Variants in AGPAT4 observed in about 807,000 individuals in gnomAD.
AGPAT4 encodes 1-acyl-sn-glycerol-3-phosphate acyltransferase delta.
AGPAT4 carries 15 observed loss-of-function variants against 48.0 expected under a neutral mutation model. The observed-to-expected ratio is 0.31, with a 90% CI of 0.21 to 0.48. AGPAT4 has a LOEUF of 0.48. AGPAT4 is among the 20% of genes least tolerant of loss of function. AGPAT4 has a pLI of 0.99. For missense variants in AGPAT4, 314 were observed against 482.5 expected, an observed-to-expected ratio of 0.65 and a Z score of 3.27; for synonymous variants, 178 against 198.7, an observed-to-expected ratio of 0.90 and a Z score of 0.88.
intron 2 of AGPAT4, among the ~76,000 whole-genome samples, chr6:161,173,719 C>T (rs1047349117): frequency 1.3e-5 from 2 of 152,122 alleles, no homozygotes; most frequent in Non-Finnish European, 2.9e-5. Context: ...AAGTCCTTGC[C>T]CATGTCTATG....
intron 2 of AGPAT4, among the ~76,000 whole-genome samples, chr6:161,203,266 A>G (rs914573100): frequency 1.3e-5 from 2 of 152,192 alleles, no homozygotes; most frequent in African/African-American, 2.4e-5. Flanking sequence ...ATTGCTATAA[A>G]GCCAGCACCC....
rs547367704 is a variant in AGPAT4, at chr6:161,242,504, G to A, written c.-89-10202C>T. 3.7e-4 allele frequency among the ~76,000 whole-genome samples: 56 copies of A among 152,264 alleles called. No homozygotes were observed. Among genetic ancestry groups the A allele is most frequent in the African/African-American group, 1.2e-3 (50 of 41,550 alleles). Reference sequence around the variant, plus strand: ...CCTCCAAACCCCATCCAGCTCGCCCGCAGCCTCATGGGGCTGGAGGGTGCA... The same window carrying A: ...CCTCCAAACCCCATCCAGCTCGCCCACAGCCTCATGGGGCTGGAGGGTGCA... On this transcript the variant is annotated intron_variant, in intron 1 of 8. Transcript: ENST00000320285. This position sits in a 1 kb window ranked among gnomAD's most constrained non-coding sequence, Gnocchi z 5.0.
chr6:161,243,322 G>A lies in AGPAT4; in HGVS notation c.-89-11020C>T, dbSNP rs533038908. ...GGCCGGCAGAAGCAGGCGTGAGGTG[G>A]CTGGCATCCCCAGCCGGCACTAAAA... On this transcript the variant is annotated intron_variant, in intron 1 of 8. Coordinates refer to ENST00000320285, the MANE Select transcript of AGPAT4 (RefSeq NM_020133.3). The surrounding 1 kb of genome is among the most constrained non-coding windows in gnomAD (Gnocchi z 4.8). 7.8e-4 allele frequency among the ~76,000 whole-genome samples: 118 copies of A among 152,178 alleles called. 1 individual carries two copies. The highest frequency in any genetic ancestry group is 1.5e-3 in the Non-Finnish European group (100 of 68,002).
At chr6:161,167,154 A>C (rs553017463) in intron 2 of AGPAT4, among the ~76,000 whole-genome samples, 2 of 152,132 alleles carry the variant, frequency 1.3e-5, no homozygotes, top group Non-Finnish European at 2.9e-5. Flanking sequence ...TGGGTGATGG[A>C]CTTTGAAATG....
intron 1 of AGPAT4, among the ~76,000 whole-genome samples, chr6:161,258,485 T>G (rs1783003575): frequency 6.6e-6 from 1 of 152,180 alleles, no homozygotes; most frequent in Non-Finnish European, 1.5e-5. Flanking sequence ...GTTCATGTCT[T>G]GAATCATAAG....
intron 2 of AGPAT4, among the ~76,000 whole-genome samples, chr6:161,182,749 C>T (rs1034609489): frequency 8.5e-5 from 13 of 152,204 alleles, no homozygotes; most frequent in South Asian, 2.1e-4. Flanking sequence ...GCCTGAGAGG[C>T]GGGCACTGCT....
rs1778938330 is a variant in AGPAT4 at position 161,132,657 on chromosome 6, GCACATCTGTGAGCATGTTACA to G, written c.*3862_*3882del. On this transcript the variant is annotated 3_prime_UTR_variant, in exon 9 of 9. Coordinates refer to ENST00000320285, the MANE Select transcript of AGPAT4 (RefSeq NM_020133.3). ...GAGTCCGAAAGCATTGGCAAAGCCA[GCACATCTGTGAGCATGTTACA>G]CATGGGCTTGCCTAAGTATTTCCTT... 6.6e-6 allele frequency: 1 copy of G among 152,316 alleles called. No individual in the cohort carries two copies. Among genetic ancestry groups the G allele is most frequent in the Non-Finnish European group, 1.5e-5 (1 of 68,076 alleles). The allele number at this position is 152,316 out of a possible 1,614,324, so 9.4% of individuals were successfully genotyped here. A position where few individuals can be genotyped will look rare whatever the true frequency, so the allele number is the denominator to read the frequency against.
chr6:161,252,149 C>T (rs1230170362), intron 1 of AGPAT4, among the ~76,000 whole-genome samples: 6 of 152,162 alleles, frequency 3.9e-5, no homozygotes, highest in Non-Finnish European at 7.3e-5. Flanking sequence ...CCTCTAGAGG[C>T]CCCGAGACCA....
chr6:161,174,296 T>A (rs998913424), intron 2 of AGPAT4, among the ~76,000 whole-genome samples: 2 of 152,262 alleles, frequency 1.3e-5, no homozygotes, highest in African/African-American at 4.8e-5. Flanking sequence ...TGTTCTTCCA[T>A]TTGTTTGTGT....
chr6:161,230,905 G>C (rs573627724), intron 2 of AGPAT4, among the ~76,000 whole-genome samples: 3 of 152,188 alleles, frequency 2.0e-5, no homozygotes, highest in Non-Finnish European at 2.9e-5. Context: ...GTTCTGAGTT[G>C]GTGAAAAAAG....
chr6:161,210,459 T>C (rs2115017961), intron 2 of AGPAT4, among the ~76,000 whole-genome samples: 1 of 152,324 alleles, frequency 6.6e-6, no homozygotes, highest in East Asian at 1.9e-4. Flanking sequence ...TCGGCATGCC[T>C]AATATGTCTA....
rs1405667218 is a variant in AGPAT4, at chr6:161,239,195, G to A, written c.-89-6893C>T. ...CTGAAGTGAGTTATGTACGGTGTAA[G>A]GCAGATGGTACCATATGCTGCCCAG... On this transcript the variant is annotated intron_variant, in intron 1 of 8. Transcript: ENST00000320285. 3.3e-5 allele frequency among the ~76,000 whole-genome samples: 5 copies of A among 152,256 alleles called. No homozygotes were observed. The East Asian group carries it at 7.7e-4, about 23-fold the overall frequency.
In AGPAT4 at chr6:161,264,480, G is replaced by T. The variant is rs1457702755; in HGVS notation, c.-90+9458C>A. On this transcript the variant is annotated intron_variant, in intron 1 of 8. Transcript: ENST00000320285. The surrounding 1 kb of genome is among the most constrained non-coding windows in gnomAD (Gnocchi z 6.8). ...ACTCCCCACTTCCAGACCTAACGTG[G>T]GGGCTGTTCTTCTCTAGGAAGTATT... 6.6e-6 allele frequency among the ~76,000 whole-genome samples: 1 copy of T among 152,180 alleles called. No individual in the cohort carries two copies. The highest frequency in any genetic ancestry group is 2.4e-5 in the African/African-American group (1 of 41,432).
chr6:161,152,119 C>T (rs1779608353), intron 5 of AGPAT4, among the ~76,000 whole-genome samples: 1 of 152,150 alleles, frequency 6.6e-6, no homozygotes, highest in South Asian at 2.1e-4. Flanking sequence ...GTAAGAGCTG[C>T]CTGCCAGGAT....
Position 161,243,286 on chromosome 6 carries a change from A to T in AGPAT4, c.-89-10984T>A, listed in dbSNP as rs1582903880. Reference sequence around the variant, plus strand: ...TACCAAAGTAGGGAAATGGCCCAAGACCCGGCCCTGGGCCGGCAGAAGCAG... The same window carrying T: ...TACCAAAGTAGGGAAATGGCCCAAGTCCCGGCCCTGGGCCGGCAGAAGCAG... On this transcript the variant is annotated intron_variant, in intron 1 of 8. Coordinates refer to ENST00000320285, the MANE Select transcript of AGPAT4 (RefSeq NM_020133.3). This position sits in a 1 kb window ranked among gnomAD's most constrained non-coding sequence, Gnocchi z 4.8. Among the ~76,000 whole-genome samples the T allele has an allele frequency of 6.6e-6, 1 of 152,054 alleles. No homozygotes were observed. Among genetic ancestry groups the T allele is most frequent in the South Asian group, 2.1e-4 (1 of 4,802 alleles).
At chr6:161,194,642 AT>A (rs1271629976) in intron 2 of AGPAT4, among the ~76,000 whole-genome samples, 2 of 151,196 alleles carry the variant, frequency 1.3e-5, no homozygotes, top group Non-Finnish European at 3.0e-5. Context: ...GTATGTGTGT[AT>A]GTGTATGTAT....
At chr6:161,186,771 G>A (rs996920349) in intron 2 of AGPAT4, among the ~76,000 whole-genome samples, 1 of 152,124 alleles carries the variant, frequency 6.6e-6, no homozygotes, top group Non-Finnish European at 1.5e-5. Context: ...CAACTGCAAC[G>A]CTGTTCCTGG....
chr6:161,185,573 T>C (rs1780746407), intron 2 of AGPAT4, among the ~76,000 whole-genome samples: 1 of 152,228 alleles, frequency 6.6e-6, no homozygotes, highest in Admixed American at 6.5e-5. Context: ...TACCTGCCAG[T>C]AGGATGAAAT....
In AGPAT4 at chr6:161,202,372, G is replaced by A. The variant is rs1233686187; in HGVS notation, c.178+29664C>T. Among the ~76,000 whole-genome samples the A allele has an allele frequency of 6.6e-6, 1 of 151,984 alleles. No individual in the cohort carries two copies. Among genetic ancestry groups the A allele is most frequent in the African/African-American group, 2.4e-5 (1 of 41,362 alleles). ...TGCCTGAATGTCTTCATGCTTGAAT[G>A]TCATGGTAGTTGGCTTCCTCTGGAT... On this transcript the variant is annotated intron_variant, in intron 2 of 8. Transcript: ENST00000320285. The surrounding 1 kb of genome is among the most constrained non-coding windows in gnomAD (Gnocchi z 5.4).
Sources: allele counts gnomAD v4.1 joint callset (sites outside exome capture counted in the v4.1 genomes callset), GRCh38; gene constraint gnomAD v4.1.1; non-coding constraint Gnocchi (gnomAD v3.1); transcripts MANE v1.5; gene names NCBI Gene and HGNC (gene_info 2026-07-23, HGNC 2026-07-21).